The following HDAC9 variants were observed in gnomAD, a reference collection of about 807,000 sequenced individuals.
HDAC9 encodes histone deacetylase 9, also known as MEF-2 interacting transcription repressor (MITR) protein.
A neutral mutation model predicts 139.4 loss-of-function variants in HDAC9; 41 were observed. The observed-to-expected ratio is 0.29, with a 90% confidence interval of 0.23 to 0.38. The LOEUF (loss-of-function observed/expected upper bound fraction) is 0.38. Among genes scored for constraint, HDAC9 ranks in the 10% least tolerant of loss-of-function variants. The probability of loss-of-function intolerance (pLI) is 1.00; values close to 1 mark genes in which losing one functional copy is unlikely to be tolerated. For synonymous variants in HDAC9, 517 were observed against 476.2 expected (o/e 1.09, Z -1.12); for missense variants, 1,147 against 1,297.0 (o/e 0.88, Z 1.78).
rs182555783 is a variant in HDAC9 at position 18,626,323 on chromosome 7, G to A, written c.665-3027G>A. Among the ~76,000 whole-genome samples the A allele has an allele frequency of 2.0e-5, 3 of 152,218 alleles. No individual in the cohort carries two copies. The East Asian group carries it at 5.8e-4, about 29-fold the overall frequency. ...CTCCTCCTTAATTCTTTGGCCACCA[G>A]CCTGTCCTGCCAGTAGATTAAGCCC... is the stretch of plus-strand genomic sequence containing the variant. On this transcript the variant is annotated intron_variant, in intron 6 of 25. Transcript: ENST00000686413.
At chr7:18,708,325 G>T (rs773556042) in intron 12 of HDAC9, among the ~76,000 whole-genome samples, 4 of 152,160 alleles carry the variant, frequency 2.6e-5, no homozygotes, top group Non-Finnish European at 4.4e-5. Flanking sequence ...CACAGAGATT[G>T]CCCAGCTGCC....
At chr7:18,680,527 A>T (rs553163054) in intron 12 of HDAC9, among the ~76,000 whole-genome samples, 3 of 152,058 alleles carry the variant, frequency 2.0e-5, no homozygotes, top group African/African-American at 7.2e-5. Flanking sequence ...CCTAAAGTGA[A>T]TTTGGAAGTT....
intron 2 of HDAC9, among the ~76,000 whole-genome samples, chr7:18,280,484 A>AG (rs1184732040): frequency 6.6e-6 from 1 of 151,946 alleles, no homozygotes; most frequent in Non-Finnish European, 1.5e-5. Flanking sequence ...GCTACTCAGG[A>AG]GGCTGAGGCA....
intron 21 of HDAC9, among the ~76,000 whole-genome samples, chr7:18,872,114 A>G (rs1798966724): frequency 6.6e-6 from 1 of 152,148 alleles, no homozygotes; most frequent in Non-Finnish European, 1.5e-5. Flanking sequence ...TCACTAATTG[A>G]TTCAGCAAAC....
chr7:18,931,036 T>G (rs563689726), intron 22 of HDAC9, among the ~76,000 whole-genome samples: 1 of 152,316 alleles, frequency 6.6e-6, no homozygotes, highest in African/African-American at 2.4e-5. Flanking sequence ...TTAGTAAGAT[T>G]TCTGGCTTGA....
At chr7:18,911,949 A>G (rs1434880799) in intron 22 of HDAC9, among the ~76,000 whole-genome samples, 2 of 151,968 alleles carry the variant, frequency 1.3e-5, no homozygotes, top group Non-Finnish European at 2.9e-5. Flanking sequence ...TCCATGTACT[A>G]ATGAGAAGAA....
chr7:18,183,614 C>G (rs976223785), intron 2 of HDAC9, among the ~76,000 whole-genome samples: 1 of 152,186 alleles, frequency 6.6e-6, no homozygotes, highest in Non-Finnish European at 1.5e-5. Flanking sequence ...GAACACTTCA[C>G]TACTTTTGTC....
intron 12 of HDAC9, among the ~76,000 whole-genome samples, chr7:18,669,146 A>G (rs550592876): frequency 2.0e-5 from 3 of 151,828 alleles, no homozygotes; most frequent in South Asian, 4.1e-4. Flanking sequence ...TAAAATGTCA[A>G]CTTCTAAATA....
At chr7:18,853,839 A>G (rs921507912) in intron 21 of HDAC9, among the ~76,000 whole-genome samples, 2 of 152,194 alleles carry the variant, frequency 1.3e-5, no homozygotes, top group Admixed American at 6.6e-5. Context: ...TTAAAAAATT[A>G]GTTGATTGGC....
chr7:18,547,531 G>C (rs114456444), intron 2 of HDAC9, among the ~76,000 whole-genome samples: 220 of 152,244 alleles, frequency 1.4e-3, no homozygotes, highest in African/African-American at 4.9e-3. Flanking sequence ...CACCATGCCC[G>C]GCCGACTGTG....
chr7:18,886,905 G>A (rs1190479745), intron 22 of HDAC9, among the ~76,000 whole-genome samples: 1 of 152,162 alleles, frequency 6.6e-6, no homozygotes, highest in African/African-American at 2.4e-5. Context: ...TTATTATGAT[G>A]ATTGCTATAA....
rs1012312159 is a variant in HDAC9 at position 18,886,678 on chromosome 7, A to C, written c.2803+12082A>C. ...CCCAGCCAATGGCCTTCCTAATCTA[A>C]TAGCTTAGATTTCTATTTTATATTT... is the stretch of plus-strand genomic sequence containing the variant. On this transcript the variant is annotated intron_variant, in intron 22 of 25. Transcript: ENST00000686413. Among the ~76,000 whole-genome samples the C allele has an allele frequency of 1.1e-3, 173 of 152,294 alleles. 3 individuals carry two copies. The highest frequency in any genetic ancestry group is 2.2e-4 in the Non-Finnish European group (15 of 68,022).
In HDAC9 at chr7:18,515,795, G is replaced by A. The variant is rs543636991; in HGVS notation, c.22+19471G>A. Among the ~76,000 whole-genome samples, 356 of 152,288 alleles carry A rather than the reference G, an allele frequency of 2.3e-3. 1 individual carries two copies. The highest frequency in any genetic ancestry group is 7.9e-3 in the African/African-American group (327 of 41,562). On this transcript the variant is annotated intron_variant, in intron 2 of 25. Coordinates refer to ENST00000686413, the MANE Select transcript of HDAC9 (RefSeq NM_178425.4). Reference sequence around the variant, plus strand: ...ATAATTGCTTAATGAATATTCATGGGATAAGTGAATGAATGAATGGATTGA... The same window carrying A: ...ATAATTGCTTAATGAATATTCATGGAATAAGTGAATGAATGAATGGATTGA...
chr7:18,100,685 C>T (rs926231553), intron 1 of HDAC9, among the ~76,000 whole-genome samples: 2 of 152,158 alleles, frequency 1.3e-5, no homozygotes, highest in Non-Finnish European at 2.9e-5. Flanking sequence ...GTTTTAATGA[C>T]CTTGTTTGCA....
intron 1 of HDAC9, among the ~76,000 whole-genome samples, chr7:18,302,740 C>A (rs1344109279): frequency 2.6e-5 from 4 of 152,094 alleles, no homozygotes; most frequent in Non-Finnish European, 4.4e-5. Flanking sequence ...AGAAACAAAC[C>A]TTCTAGAAGG....
chr7:18,107,812 G>T (rs2244710), intron 1 of HDAC9, among the ~76,000 whole-genome samples: 1 of 152,102 alleles, frequency 6.6e-6, no homozygotes, highest in Non-Finnish European at 1.5e-5. Flanking sequence ...TGCAGTGGTA[G>T]ATAGTGGCTG....
chr7:18,459,936 C>T (rs1315315114), intron 1 of HDAC9, among the ~76,000 whole-genome samples: 2 of 150,152 alleles, frequency 1.3e-5, no homozygotes. Flanking sequence ...TGTTAGCCTA[C>T]AGATTTGCTT....
intron 2 of HDAC9, among the ~76,000 whole-genome samples, chr7:18,525,902 CTT>C (rs1806724873): frequency 6.6e-6 from 1 of 152,172 alleles, no homozygotes; most frequent in South Asian, 2.1e-4. Context: ...TTACTTGACT[CTT>C]AAGTTCTTGC....
At chr7:18,156,675 G>A (rs527504873) in intron 1 of HDAC9, among the ~76,000 whole-genome samples, 58 of 152,296 alleles carry the variant, frequency 3.8e-4, no homozygotes, top group Non-Finnish European at 7.2e-4. Flanking sequence ...CATCATGGAT[G>A]AAAGTACTCC....
Sources: allele counts gnomAD v4.1 joint callset (sites outside exome capture counted in the v4.1 genomes callset), GRCh38; gene constraint gnomAD v4.1.1; transcripts MANE v1.5; gene names NCBI Gene and HGNC (gene_info 2026-07-23, HGNC 2026-07-21).